CSK: variants seen among roughly 807,000 people sequenced by gnomAD.
CSK encodes the protein tyrosine-protein kinase CSK.
In CSK, 7 loss-of-function variants were observed where a neutral mutation model predicts 62.3. The observed-to-expected ratio is 0.11, with a 90% CI of 0.06 to 0.21. The LOEUF is 0.21. CSK is among the 10% of genes least tolerant of loss of function. The probability of loss-of-function intolerance (pLI) is 1.00; values close to 1 mark genes in which losing one functional copy is unlikely to be tolerated. For missense variants in CSK, 294 were observed against 613.5 expected (o/e 0.48, Z 5.50); for synonymous variants, 237 against 246.0 (o/e 0.96, Z 0.34).
At chr15:74,792,117 T>G (rs776644203) in intron 1 of CSK, among the ~76,000 whole-genome samples, 33 of 152,140 alleles carry the variant, frequency 2.2e-4, no homozygotes, top group Non-Finnish European at 1.0e-4. Context: ...AGCTATGCTG[T>G]CCCCTTTCAG....
At chr15:74,790,853 G>T (rs946646490) in intron 1 of CSK, 2 of 152,216 alleles carry the variant, frequency 1.3e-5, no homozygotes, top group Non-Finnish European at 2.9e-5. Context: ...GCCACAACCA[G>T]TGAGGTTCTC....
In CSK at chr15:74,802,616, C is replaced by G. The variant is rs2063810945; in HGVS notation, c.*103C>G. ...GGCCCGAGCCTGAACTGAGCCCCAG[C>G]GGGCTGGCGGGCCTTTTTCCTGCGT... is the stretch of plus-strand genomic sequence containing the variant. On this transcript the variant is annotated 3_prime_UTR_variant, in exon 13 of 13. Transcript: ENST00000220003. 1 of 1,421,976 alleles carries G rather than the reference C, an allele frequency of 7.0e-7. No homozygotes were observed. The highest frequency in any genetic ancestry group is 1.5e-5 in the African/African-American group (1 of 68,458). The allele number at this position is 1,421,976 out of a possible 1,614,324, so 88.1% of individuals were successfully genotyped here.
intron 1 of CSK, among the ~76,000 whole-genome samples, chr15:74,794,045 G>A (rs72730503): frequency 0.64 from 95,734 of 149,080 alleles, 31,503 homozygotes; most frequent in Non-Finnish European, 0.72. Flanking sequence ...CCGCTTCTGT[G>A]AAATGGGGGT....
At chr15:74,783,122 C>T (rs2063462363) in intron 1 of CSK, among the ~76,000 whole-genome samples, 1 of 152,222 alleles carries the variant, frequency 6.6e-6, no homozygotes, top group African/African-American at 2.4e-5. Context: ...TTGGTTCTGA[C>T]CCCTCCCTCA....
chr15:74,802,388 G>T lies in CSK; in HGVS notation c.1228G>T (p.Gly410Cys). ...EKGYKMDAPD[G>C]CPPAVYEVMK... ...GGGCTACAAGATGGATGCCCCCGAC[G>T]GCTGCCCGCCCGCAGTCTATGAAGT... is the stretch of plus-strand genomic sequence containing the variant. Residue 410 changes from glycine to cysteine, a missense_variant, in exon 13 of 13, where the codon GGC becomes TGC. Transcript: ENST00000220003. 6.2e-7 allele frequency: 1 copy of T among 1,611,872 alleles called. No individual in the cohort carries two copies. The highest frequency in any genetic ancestry group is 1.1e-5 in the South Asian group (1 of 90,920).
rs34111182 is a variant in CSK, at chr15:74,802,171, A to G, written c.1170+88A>G. On this transcript the variant is annotated intron_variant, in intron 12 of 12. Transcript: ENST00000220003. ...AGCCTCCTTGGGCCCTGCCTCCCCA[A>G]TCAAGGCCTAGAAGCCTCAGGCCTG... is the stretch of plus-strand genomic sequence containing the variant. 0.011 allele frequency: 15,911 copies of G among 1,462,074 alleles called. 1,155 individuals carry two copies. The African/African-American group carries it at 0.18, about 16-fold the overall frequency. The allele number at this position is 1,462,074 out of a possible 1,614,324, so 90.6% of individuals were successfully genotyped here. A position where few individuals can be genotyped will look rare whatever the true frequency, so the allele number is the denominator to read the frequency against.
At chr15:74,787,073 C>A (rs938289566) in intron 1 of CSK, among the ~76,000 whole-genome samples, 6 of 152,182 alleles carry the variant, frequency 3.9e-5, no homozygotes, top group Non-Finnish European at 8.8e-5. Context: ...CAGTTTCCCC[C>A]GCCCTTGGTT....
chr15:74,802,296 G>A, intron 12 of CSK, 35 bp from the exon 13 acceptor site: 2 of 1,551,530 alleles, frequency 1.3e-6, no homozygotes, highest in South Asian at 1.2e-5. Context: ...CTGAGGCCAG[G>A]GCCTGGACTG....
Position 74,799,443 on chromosome 15 carries a change from C to T in CSK, c.414C>T (p.Leu138=), listed in dbSNP as rs2141822510. The part of the protein sequence containing the change: ...HYRIMYHASK[L]SIDEEVYFEN... ...GCATCATGTACCATGCCAGCAAGCT[C>T]AGCATCGACGAGGAGGTGTACTTTG... is the stretch of plus-strand genomic sequence containing the variant. The change falls in exon 5 of 13, where the codon CTC becomes CTT. Residue 138 remains leucine, a synonymous_variant. Coordinates refer to ENST00000220003, the MANE Select transcript of CSK (RefSeq NM_004383.3). The T allele has an allele frequency of 6.2e-7, 1 of 1,613,530 alleles. No homozygotes were observed. Among genetic ancestry groups the T allele is most frequent in the Non-Finnish European group, 8.5e-7 (1 of 1,180,006 alleles).
chr15:74,796,726 T>C (rs1472029748), intron 1 of CSK, among the ~76,000 whole-genome samples: 2 of 152,120 alleles, frequency 1.3e-5, no homozygotes, highest in African/African-American at 4.8e-5. Flanking sequence ...GCTCAGTGAA[T>C]TGTCACAGAG....
chr15:74,786,002 C>CTTTTTTTTTTT lies in CSK; in HGVS notation c.-66+3284_-66+3294dup, dbSNP rs536939856. On this transcript the variant is annotated intron_variant, in intron 1 of 12. Coordinates refer to ENST00000220003, the MANE Select transcript of CSK (RefSeq NM_004383.3). The stretch of plus-strand genomic sequence containing the variant: ...AGGCCTCTTCTCTCTCTCTCTCTCT[C>CTTTTTTTTTTT]TTTTTTTTTTTTGTGTGTGTGTGTG... Among the ~76,000 whole-genome samples, 169 of 73,580 alleles carry CTTTTTTTTTTT rather than the reference C, an allele frequency of 2.3e-3. 28 individuals carry two copies. In the South Asian group the frequency reaches 0.032, roughly 14 times the overall value. 48.3% of individuals were successfully genotyped at this position (73,580 alleles called of 152,430 possible). A position where few individuals can be genotyped will look rare whatever the true frequency, so the allele number is the denominator to read the frequency against.
At chr15:74,789,331 ACCC>A (rs1364039702) in intron 1 of CSK, among the ~76,000 whole-genome samples, 7 of 152,202 alleles carry the variant, frequency 4.6e-5, no homozygotes, top group African/African-American at 1.7e-4. Flanking sequence ...GCTGCTGCTC[ACCC>A]TGAGACACCT....
chr15:74,787,405 C>T (rs1033713381), intron 1 of CSK, among the ~76,000 whole-genome samples: 3 of 151,892 alleles, frequency 2.0e-5, no homozygotes, highest in Admixed American at 6.6e-5. Context: ...GTAGACGGCA[C>T]CACTCAGGGC....
intron 5 of CSK, among the ~76,000 whole-genome samples, chr15:74,799,846 A>C (rs35015218): frequency 0.049 from 7,449 of 152,280 alleles, 619 homozygotes; most frequent in African/African-American, 0.17. Context: ...AGCCACTCAC[A>C]GACCTGCATG....
intron 5 of CSK, 92 bp from the exon 6 acceptor site, chr15:74,800,320 T>C: frequency 9.0e-7 from 1 of 1,114,106 alleles, no homozygotes; most frequent in Non-Finnish European, 1.3e-6. Flanking sequence ...TAGGCGGGGC[T>C]GGCCTCTGCC....
chr15:74,794,655 G>T (rs1047100337), intron 1 of CSK, among the ~76,000 whole-genome samples: 2 of 152,098 alleles, frequency 1.3e-5, no homozygotes, highest in African/African-American at 4.8e-5. Flanking sequence ...CAGCCAGCTT[G>T]CAGGAGATAC....
At chr15:74,793,284 C>T (rs964291664) in intron 1 of CSK, 1 of 152,694 alleles carries the variant, frequency 6.5e-6, no homozygotes, top group Non-Finnish European at 1.5e-5. Flanking sequence ...TTTCCAGACC[C>T]TCTGAGGCCT....
chr15:74,798,364 C>G lies in CSK; in HGVS notation c.15+52C>G, dbSNP rs200997069. ...ATGCAAGCATTCCCACCAGCCCCAGCGGGGTGCTTAGCAGAGGAGAGAGGA... is the reference window on the plus strand; with the variant it reads ...ATGCAAGCATTCCCACCAGCCCCAGGGGGGTGCTTAGCAGAGGAGAGAGGA... On this transcript the variant is annotated intron_variant, in intron 2 of 12. Coordinates refer to ENST00000220003, the MANE Select transcript of CSK (RefSeq NM_004383.3). This position sits in a 1 kb window ranked among gnomAD's most constrained non-coding sequence, Gnocchi z 6.6. 1 of 1,588,898 alleles carries G rather than the reference C, an allele frequency of 6.3e-7. No individual in the cohort carries two copies.
intron 1 of CSK, among the ~76,000 whole-genome samples, chr15:74,792,257 C>T (rs936373884): frequency 1.3e-5 from 2 of 152,088 alleles, no homozygotes; most frequent in Non-Finnish European, 2.9e-5. Context: ...ATGGGTACTC[C>T]AGAAGCAGTT....
Sources: gnomAD v4.1 joint callset for allele counts (sites outside exome capture counted in the v4.1 genomes callset) on GRCh38, gnomAD v4.1.1 for gene constraint, Gnocchi (gnomAD v3.1) non-coding constraint, MANE v1.5 for transcripts, NCBI Gene and HGNC (gene_info 2026-07-23, HGNC 2026-07-21) for gene names.